The following ARHGEF28 variants were observed in gnomAD, a reference collection of about 807,000 sequenced individuals.
The protein encoded by ARHGEF28 is Rho guanine nucleotide exchange factor 28.
A neutral mutation model predicts 206.6 loss-of-function variants in ARHGEF28; 152 were observed. The ratio of observed to expected loss-of-function variants is 0.74; its 90% CI spans 0.64 to 0.84. The LOEUF is 0.84. Among genes scored for constraint, ARHGEF28 ranks in the 40% least tolerant of loss-of-function variants. The probability of loss-of-function intolerance (pLI) is 0.00; values close to 1 mark genes in which losing one functional copy is unlikely to be tolerated. For synonymous variants in ARHGEF28, 763 were observed against 776.4 expected (o/e 0.98, Z 0.29); for missense variants, 2,028 against 2,073.2 (o/e 0.98, Z 0.42).
At chr5:73,807,193 A>G (rs182259673) in intron 9 of ARHGEF28, among the ~76,000 whole-genome samples, 1 of 152,090 alleles carries the variant, frequency 6.6e-6, no homozygotes, top group African/African-American at 2.4e-5. Flanking sequence ...CTCTGTCCAG[A>G]CTTGGGGCTC....
chr5:73,737,333 A>G (rs16870758), intron 2 of ARHGEF28, among the ~76,000 whole-genome samples: 4,363 of 150,492 alleles, frequency 0.029, 198 homozygotes, highest in African/African-American at 0.1. Flanking sequence ...TATTTCAACT[A>G]AGCTCCATGT....
chr5:73,737,502 C>CTTTTCTT (rs1751051887), intron 2 of ARHGEF28, among the ~76,000 whole-genome samples: 1 of 93,270 alleles, frequency 1.1e-5, no homozygotes, highest in Non-Finnish European at 2.2e-5. Context: ...CTTTTCTTTT[C>CTTTTCTT]TTTTCTTTTC....
At chr5:73,874,204 AT>A (rs1159769104) in intron 22 of ARHGEF28, among the ~76,000 whole-genome samples, 1 of 151,678 alleles carries the variant, frequency 6.6e-6, no homozygotes, top group East Asian at 1.9e-4. Context: ...TCTTTTGCTG[AT>A]TTTCTAATTG....
intron 33 of ARHGEF28, among the ~76,000 whole-genome samples, chr5:73,905,569 G>A (rs1762506082): frequency 6.6e-6 from 1 of 152,088 alleles, no homozygotes. Context: ...GGTGTATAAG[G>A]CTCCAGATTT....
At chr5:73,816,914 G>T (rs1203162681) in intron 9 of ARHGEF28, among the ~76,000 whole-genome samples, 1 of 152,080 alleles carries the variant, frequency 6.6e-6, no homozygotes, top group Non-Finnish European at 1.5e-5. Flanking sequence ...ATCCATTACT[G>T]TTCCACTTCA....
chr5:73,725,432 G>C (rs1432298560), intron 2 of ARHGEF28, among the ~76,000 whole-genome samples: 3 of 152,136 alleles, frequency 2.0e-5, no homozygotes, highest in Non-Finnish European at 4.4e-5. Context: ...ATAGAATGTT[G>C]GTCCACTGGA....
intron 21 of ARHGEF28, 54 bp from the exon 22 acceptor site, chr5:73,872,945 C>T (rs973524967): frequency 3.3e-5 from 52 of 1,585,364 alleles, no homozygotes; most frequent in South Asian, 1.8e-4. Flanking sequence ...AGTTTAATAG[C>T]GAAACTTGCT....
rs12653477 is a variant in ARHGEF28, at chr5:73,794,264, T to G, written c.911-138T>G. 270,536 of 636,974 alleles carry G rather than the reference T, an allele frequency of 0.42. 59,434 individuals carry two copies. Among genetic ancestry groups the G allele is most frequent in the Non-Finnish European group, 0.46 (171,765 of 372,610 alleles). 39.5% of individuals were successfully genotyped at this position (636,974 alleles called of 1,614,324 possible). A position where few individuals can be genotyped will look rare whatever the true frequency, so the allele number is the denominator to read the frequency against. ...ACACTCTGCTCTGTGGAGAGCTGAT[T>G]TTTAAGAGGCCTAATCTAAAAACCT... is the stretch of plus-strand genomic sequence containing the variant. On this transcript the variant is annotated intron_variant, in intron 7 of 35. Transcript: ENST00000513042.
chr5:73,764,862 T>C lies in ARHGEF28; in HGVS notation c.476-8993T>C, dbSNP rs185200115. Among the ~76,000 whole-genome samples, 128 of 152,356 alleles carry C rather than the reference T, an allele frequency of 8.4e-4. 1 individual carries two copies. The highest frequency in any genetic ancestry group is 3.0e-3 in the African/African-American group (123 of 41,584). On this transcript the variant is annotated intron_variant, in intron 4 of 35. Transcript: ENST00000513042. ...CTACATGCCAGAGCTCTGAGTAGGC[T>C]GTGTAAATGGAAGATGCTCTAAGGC...
chr5:73,728,057 A>T (rs1750385848), intron 2 of ARHGEF28, among the ~76,000 whole-genome samples: 1 of 152,178 alleles, frequency 6.6e-6, no homozygotes, highest in South Asian at 2.1e-4. Context: ...CAGCATTTTC[A>T]TTGTTAGTTG....
At chr5:73,820,023 C>T (rs999713921) in intron 9 of ARHGEF28, among the ~76,000 whole-genome samples, 1 of 152,156 alleles carries the variant, frequency 6.6e-6, no homozygotes, top group Non-Finnish European at 1.5e-5. Flanking sequence ...ACACTGAATT[C>T]CTTGAAGGCG....
chr5:73,794,454 G>A lies in ARHGEF28; in HGVS notation c.963G>A (p.Lys321=), dbSNP rs774287018. ...SRSAAEKEDI[K]RVKSLVVQHN... ...CAGCAGCTGAAAAGGAAGATATAAA[G>A]GTAATGAATGACTCCCTGCTTCTTT... The change falls in exon 8 of 36, where the codon AAG becomes AAA. Residue 321 remains lysine, a splice_region_variant and synonymous_variant. Coordinates refer to ENST00000513042, the MANE Select transcript of ARHGEF28 (RefSeq NM_001177693.2). The A allele has an allele frequency of 6.3e-6, 10 of 1,594,432 alleles. No individual in the cohort carries two copies. The highest frequency in any genetic ancestry group is 5.7e-5 in the South Asian group (5 of 87,990).
intron 7 of ARHGEF28, among the ~76,000 whole-genome samples, chr5:73,783,816 G>T (rs983471285): frequency 3.3e-5 from 5 of 152,128 alleles, no homozygotes; most frequent in Non-Finnish European, 5.9e-5. Flanking sequence ...TTTGACAGGT[G>T]TTTGGGGCAG....
rs113201106 is a variant in ARHGEF28, at chr5:73,650,518, C to T, written c.-12+24196C>T. Reference sequence around the variant, plus strand: ...CAGGCTGGTCTTGAACACCTGATCTCGTGATCTGCCAGCCTCGGCCTCACA... The same window carrying T: ...CAGGCTGGTCTTGAACACCTGATCTTGTGATCTGCCAGCCTCGGCCTCACA... On this transcript the variant is annotated intron_variant, in intron 1 of 35. Coordinates refer to ENST00000513042, the MANE Select transcript of ARHGEF28 (RefSeq NM_001177693.2). Among the ~76,000 whole-genome samples the T allele has an allele frequency of 2.4e-4, 37 of 152,060 alleles. 2 individuals are homozygous for T. The South Asian group carries it at 7.5e-3, about 31-fold the overall frequency.
At chr5:73,745,706 G>A (rs1751683213) in intron 2 of ARHGEF28, among the ~76,000 whole-genome samples, 1 of 151,974 alleles carries the variant, frequency 6.6e-6, no homozygotes, top group Non-Finnish European at 1.5e-5. Context: ...GAGTACTGAT[G>A]AGTATTTTTT....
intron 7 of ARHGEF28, among the ~76,000 whole-genome samples, chr5:73,791,305 T>C (rs565499474): frequency 2.0e-5 from 3 of 152,326 alleles, no homozygotes; most frequent in East Asian, 1.9e-4. Flanking sequence ...CTACCCACCA[T>C]GTATGCCAGA....
intron 4 of ARHGEF28, among the ~76,000 whole-genome samples, chr5:73,767,110 CT>C (rs1280032300): frequency 1.3e-5 from 2 of 152,162 alleles, no homozygotes; most frequent in East Asian, 1.9e-4. Flanking sequence ...TAAGAAGTGC[CT>C]TTTGCCTTCT....
intron 2 of ARHGEF28, among the ~76,000 whole-genome samples, chr5:73,703,700 G>A (rs545783653): frequency 6.7e-6 from 1 of 150,176 alleles, no homozygotes; most frequent in Admixed American, 6.6e-5. Context: ...TCTTCGTATA[G>A]AAGTATAAAC....
chr5:73,879,968 A>G (rs1164902296), intron 22 of ARHGEF28, among the ~76,000 whole-genome samples: 1 of 152,204 alleles, frequency 6.6e-6, no homozygotes, highest in East Asian at 1.9e-4. Context: ...CTGTCAGACA[A>G]GGACATTTAA....
Sources: allele counts gnomAD v4.1 joint callset (sites outside exome capture counted in the v4.1 genomes callset), GRCh38; gene constraint gnomAD v4.1.1; transcripts MANE v1.5; gene names NCBI Gene and HGNC (gene_info 2026-07-23, HGNC 2026-07-21).